Variants in ITGA6 observed in about 807,000 individuals in gnomAD.
ITGA6 encodes integrin subunit alpha 6, also known as integrin alpha-6.
A neutral mutation model predicts 133.6 loss-of-function variants in ITGA6; 63 were observed. The ratio of observed to expected loss-of-function variants is 0.47; its 90% confidence interval spans 0.38 to 0.58. The LOEUF is 0.58. ITGA6 is among the 20% of genes least tolerant of loss of function. The probability of loss-of-function intolerance (pLI) is 0.00; values close to 1 mark genes in which losing one functional copy is unlikely to be tolerated. For missense variants in ITGA6, 1,068 were observed against 1,309.4 expected, an observed-to-expected ratio of 0.82 and a Z score of 2.85; for synonymous variants, 434 against 482.0, an observed-to-expected ratio of 0.90 and a Z score of 1.30.
intron 1 of ITGA6, among the ~76,000 whole-genome samples, chr2:172,431,513 G>A (rs1172726992): frequency 6.6e-6 from 1 of 152,218 alleles, no homozygotes; most frequent in Non-Finnish European, 1.5e-5. Context: ...CTTGGAACAA[G>A]TTCTGGGTCC....
intron 4 of ITGA6, 133 bp downstream of exon 4, chr2:172,469,513 C>G (rs979503429): frequency 2.1e-5 from 17 of 792,692 alleles, no homozygotes; most frequent in Non-Finnish European, 3.4e-5. Context: ...TTAAAAATCT[C>G]TAAATGATAT....
chr2:172,463,140 C>A (rs540051181), intron 1 of ITGA6, among the ~76,000 whole-genome samples: 1 of 152,246 alleles, frequency 6.6e-6, no homozygotes, highest in Admixed American at 6.5e-5. Context: ...GGGGGCAATT[C>A]CTTATTCATC....
At chr2:172,470,849 CT>C in intron 4 of ITGA6, 124 bp from the exon 5 acceptor site, 15 of 927,054 alleles carry the variant, frequency 1.6e-5, no homozygotes, top group Non-Finnish European at 2.5e-5. Flanking sequence ...TCTGTCCTTC[CT>C]TTTTTTCCTC....
At chr2:172,462,900 T>A (rs1685491898) in intron 1 of ITGA6, among the ~76,000 whole-genome samples, 1 of 152,158 alleles carries the variant, frequency 6.6e-6, no homozygotes, top group Non-Finnish European at 1.5e-5. Context: ...GTGTCCCTCT[T>A]CTCCCTTTTC....
At chr2:172,483,822 A>AT (rs111328523) in intron 11 of ITGA6, among the ~76,000 whole-genome samples, 4,616 of 152,012 alleles carry the variant, frequency 0.03, 236 homozygotes, top group African/African-American at 0.11. Flanking sequence ...CTTTATTATT[A>AT]TTTTTTTGAG....
chr2:172,488,366 G>T (rs1686780881), intron 19 of ITGA6, 138 bp downstream of exon 19: 2 of 710,158 alleles, frequency 2.8e-6, no homozygotes, highest in South Asian at 3.2e-5. Flanking sequence ...TAGTTTGCCA[G>T]CTTTTAAAGA....
chr2:172,481,529 T>C (rs1185316022), intron 11 of ITGA6, among the ~76,000 whole-genome samples: 3 of 152,156 alleles, frequency 2.0e-5, no homozygotes, highest in Admixed American at 1.3e-4. Context: ...AAATGTACTG[T>C]CTTTAATTTT....
At position 172,489,895 on chromosome 2, in the gene ITGA6, G is replaced by A. The variant is rs1686849370; in HGVS notation, c.2679+237G>A. The A allele has an allele frequency of 1.1e-5, 5 of 466,276 alleles. No individual in the cohort carries two copies. In the Admixed American group the frequency reaches 1.8e-4, roughly 16 times the overall value. The allele number at this position is 466,276 out of a possible 1,614,324, so 28.9% of individuals were successfully genotyped here. On this transcript the variant is annotated intron_variant, in intron 20 of 25. Coordinates refer to ENST00000684293, the MANE Select transcript of ITGA6 (RefSeq NM_000210.4). ...TCATTCAGTGCTTGCTGAGGCAAAT[G>A]GTATTTTCTGATGTTTCATCATGAC...
chr2:172,454,056 C>T (rs1351680493), intron 1 of ITGA6, among the ~76,000 whole-genome samples: 2 of 150,778 alleles, frequency 1.3e-5, no homozygotes, highest in Non-Finnish European at 2.9e-5. Flanking sequence ...CTGAACTAGC[C>T]TGGAAAGTGG....
intron 2 of ITGA6, among the ~76,000 whole-genome samples, chr2:172,467,046 A>C (rs916490958): frequency 2.0e-5 from 3 of 152,242 alleles, no homozygotes; most frequent in Non-Finnish European, 4.4e-5. Context: ...AATGCTGTTA[A>C]ATAAAAAAAT....
intron 3 of ITGA6, among the ~76,000 whole-genome samples, chr2:172,468,280 A>C (rs1685769100): frequency 6.6e-6 from 1 of 152,224 alleles, no homozygotes; most frequent in South Asian, 2.1e-4. Context: ...TAGCAAAGAA[A>C]AGAGGGTTTG....
intron 1 of ITGA6, chr2:172,464,269 G>C (rs1685554588): frequency 6.6e-6 from 1 of 152,186 alleles, no homozygotes; most frequent in South Asian, 2.1e-4. Context: ...TCCTTTATTG[G>C]AATGATTCCT....
At chr2:172,448,075 T>A (rs1006834373) in intron 1 of ITGA6, among the ~76,000 whole-genome samples, 2 of 152,016 alleles carry the variant, frequency 1.3e-5, no homozygotes, top group Non-Finnish European at 2.9e-5. Flanking sequence ...GAAAATGGGT[T>A]TAGTTCTAGC....
chr2:172,486,185 A>AAAAAAAAAAAC (rs1251363969), intron 13 of ITGA6, among the ~76,000 whole-genome samples: 1 of 151,098 alleles, frequency 6.6e-6, no homozygotes, highest in Non-Finnish European at 1.5e-5. Context: ...CCAAAAAAAA[A>AAAAAAAAAAAC]AAAAAAAAAA....
At position 172,475,670 on chromosome 2, in the gene ITGA6, T is replaced by C. The variant is rs1461234215; in HGVS notation, c.1254T>C (p.Asn418=). The part of the protein sequence containing the change: ...FIYHGSANGI[N]TKPTQVLKGI... ...ATCATGGATCTGCAAATGGAATAAA[T>C]ACCAAACCAACACAGGTAACCAAAT... Residue 418 remains asparagine, a synonymous_variant, in exon 8 of 26, where the codon AAT becomes AAC. Coordinates refer to ENST00000684293, the MANE Select transcript of ITGA6 (RefSeq NM_000210.4). 1.3e-6 allele frequency: 2 copies of C among 1,595,488 alleles called. No homozygotes were observed. The highest frequency in any genetic ancestry group is 1.7e-6 in the Non-Finnish European group (2 of 1,163,292).
Position 172,485,151 on chromosome 2 carries a change from C to A in ITGA6, c.1741C>A (p.Pro581Thr). Residue 581 changes from proline (P) to threonine (T), a missense_variant, in exon 13 of 26, where the codon CCC becomes ACC. Transcript: ENST00000684293. ...TATCAGAGATAAACTGCGTCCCATT[C>A]CCATAACTGCCTCAGTGGAGATCCA... ...DNIRDKLRPIPITASVEIQEP... is the reference protein window; with the variant it reads ...DNIRDKLRPITITASVEIQEP... 6.2e-7 allele frequency: 1 copy of A among 1,613,894 alleles called. No individual in the cohort carries two copies. Among genetic ancestry groups the A allele is most frequent in the Non-Finnish European group, 8.5e-7 (1 of 1,179,748 alleles).
In ITGA6 at chr2:172,465,562, C is replaced by T; in HGVS notation, c.206C>T (p.Ala69Val). The change falls in exon 2 of 26, where the codon GCA becomes GTA. Residue 69 changes from alanine to valine, a missense_variant. This residue lies in a region of ITGA6 where 142 missense variants were observed against 145.3 expected (regional missense o/e 0.98). Coordinates refer to ENST00000684293, the MANE Select transcript of ITGA6 (RefSeq NM_000210.4). Reference protein sequence around the residue: ...KRLLLVGAPRAEALPLQRANR... With the variant: ...KRLLLVGAPRVEALPLQRANR... ...AGGTTGCTCGTGGGGGCCCCGCGGG[C>T]AGAAGCGCTTCCACTGCAGAGAGCC... is the stretch of plus-strand genomic sequence containing the variant. 3 of 1,614,240 alleles carry T rather than the reference C, an allele frequency of 1.9e-6. No homozygotes were observed. In the East Asian group the frequency reaches 6.7e-5, roughly 36 times the overall value.
At chr2:172,439,263 C>T (rs1684444186) in intron 1 of ITGA6, among the ~76,000 whole-genome samples, 1 of 151,846 alleles carries the variant, frequency 6.6e-6, no homozygotes, top group Admixed American at 6.6e-5. Flanking sequence ...GTCAATGCAT[C>T]CAGCGTCTCA....
rs967133403 is a variant in ITGA6 at position 172,469,510 on chromosome 2, T to G, written c.643+130T>G. On this transcript the variant is annotated intron_variant, in intron 4 of 25. Coordinates refer to ENST00000684293, the MANE Select transcript of ITGA6 (RefSeq NM_000210.4). The stretch of plus-strand genomic sequence containing the variant: ...TAAAAGTTGGGTAGGATATTAAAAA[T>G]CTCTAAATGATATGATTTTTAAAAG... The G allele has an allele frequency of 1.1e-5, 9 of 808,004 alleles. No individual in the cohort carries two copies. In the African/African-American group the frequency reaches 1.4e-4, roughly 13 times the overall value. The allele number at this position is 808,004 out of a possible 1,614,324, so 50.1% of individuals were successfully genotyped here.
Sources: allele counts gnomAD v4.1 joint callset (sites outside exome capture counted in the v4.1 genomes callset), GRCh38; gene constraint gnomAD v4.1.1; regional missense constraint gnomAD v4.1.1; transcripts MANE v1.5; gene names NCBI Gene and HGNC (gene_info 2026-07-23, HGNC 2026-07-21).